ZFHX3: variants seen among roughly 807,000 people sequenced by gnomAD.
The protein encoded by ZFHX3 is zinc finger homeobox 3, also known as zinc finger homeobox protein 3.
A neutral mutation model predicts 279.1 loss-of-function variants in ZFHX3; 42 were observed. That is an observed-to-expected ratio of 0.15 (90% CI 0.12 to 0.19). The LOEUF (loss-of-function observed/expected upper bound fraction) is 0.19. ZFHX3 is among the 10% of genes least tolerant of loss of function. The pLI, the probability that ZFHX3 is intolerant of heterozygous loss-of-function variation, is 1.00. For missense variants in ZFHX3, 4,981 were observed against 4,754.0 expected (o/e 1.05, Z -1.40); for synonymous variants, 2,293 against 1,957.8 (o/e 1.17, Z -4.52).
chr16:72,993,834 CA>C (rs1032426437), intron 1 of ZFHX3, among the ~76,000 whole-genome samples: 54 of 152,260 alleles, frequency 3.5e-4, no homozygotes, highest in African/African-American at 1.3e-3. Flanking sequence ...TAGACGTCTT[CA>C]AACTTCATTT....
At chr16:73,319,112 TG>T (rs1305979267) in intron 3 of ZFHX3, among the ~76,000 whole-genome samples, 2 of 65,582 alleles carry the variant, frequency 3.0e-5, no homozygotes, top group Non-Finnish European at 6.7e-5. Flanking sequence ...AGGTGTGGAA[TG>T]GGGGGGGCAG....
In ZFHX3 at chr16:72,796,897, G is replaced by A. The variant is rs571249183; in HGVS notation, c.5785C>T (p.Pro1929Ser). The A allele has an allele frequency of 2.3e-4, 374 of 1,613,802 alleles. 7 individuals carry two copies. The South Asian group carries it at 4.0e-3, about 17-fold the overall frequency. Residue 1929 changes from proline (P) to serine (S), a missense_variant, in exon 9 of 10, where the codon CCT becomes TCT. Physicochemically the swap from Pro to Ser is moderately conservative, Grantham distance 74. Coordinates refer to ENST00000268489, the MANE Select transcript of ZFHX3 (RefSeq NM_006885.4). ...KELAPGGGSE[P>S]SMLPPRIASD... ...GCAATGCGTGGAGGGAGCATGGAAGGCTCAGAACCACCCCCTGGTGCCAAC... is the reference window on the plus strand; with the variant it reads ...GCAATGCGTGGAGGGAGCATGGAAGACTCAGAACCACCCCCTGGTGCCAAC...
chr16:73,266,221 T>C (rs142635085), intron 4 of ZFHX3, among the ~76,000 whole-genome samples: 22 of 152,346 alleles, frequency 1.4e-4, no homozygotes, highest in Non-Finnish European at 4.4e-5. Flanking sequence ...ACTGGGTTCT[T>C]TTCTCAATTC....
chr16:72,788,091 CTGCTGCTGCTGCACTTTT>C lies in ZFHX3; in HGVS notation c.10167_10184del (p.Lys3390_Gln3395del), dbSNP rs571110463. ...GGACTGGGGTTTGGCTTGCTTTGGG[CTGCTGCTGCTGCACTTTT>C]TGCTGCTGCTGCTGCTGTAGTTGCC... On this transcript the variant is annotated inframe_deletion, in exon 10 of 10. Transcript: ENST00000268489. The C allele has an allele frequency of 1.8e-4, 286 of 1,608,272 alleles. No homozygotes were observed. The highest frequency in any genetic ancestry group is 2.1e-4 in the Non-Finnish European group (249 of 1,177,194).
chr16:73,158,453 CT>C (rs1329451706), intron 5 of ZFHX3, among the ~76,000 whole-genome samples: 3 of 152,034 alleles, frequency 2.0e-5, no homozygotes, highest in African/African-American at 7.3e-5. Flanking sequence ...TTCCTTCCCC[CT>C]CCCTTCTCTT....
intron 4 of ZFHX3, among the ~76,000 whole-genome samples, chr16:72,832,433 G>A (rs1567538379): frequency 6.6e-6 from 1 of 152,078 alleles, no homozygotes; most frequent in Non-Finnish European, 1.5e-5. Flanking sequence ...AGGCAGCTGA[G>A]TTCCGATGAG....
At chr16:72,915,061 A>G (rs1325170778) in intron 3 of ZFHX3, among the ~76,000 whole-genome samples, 5 of 152,144 alleles carry the variant, frequency 3.3e-5, no homozygotes, top group Non-Finnish European at 7.4e-5. Flanking sequence ...TCAAAATTCA[A>G]AATTCCAGTA....
chr16:72,798,962 T>C (rs540593519), intron 8 of ZFHX3, among the ~76,000 whole-genome samples: 1 of 152,370 alleles, frequency 6.6e-6, no homozygotes, highest in East Asian at 1.9e-4. Context: ...AAAGTTTCAA[T>C]GCATAATAGA....
At chr16:73,273,493 A>G (rs1483968794) in intron 4 of ZFHX3, among the ~76,000 whole-genome samples, 1 of 152,222 alleles carries the variant, frequency 6.6e-6, no homozygotes, top group Non-Finnish European at 1.5e-5. Context: ...CAAAATTTAT[A>G]TATAAAACAC....
At chr16:73,355,196 A>G (rs1475168709) in intron 3 of ZFHX3, among the ~76,000 whole-genome samples, 1 of 152,174 alleles carries the variant, frequency 6.6e-6, no homozygotes, top group Admixed American at 6.5e-5. Context: ...ACAGAGGAAC[A>G]GAGCTGGGCT....
chr16:72,959,285 G>A lies in ZFHX3; in HGVS notation c.861C>T (p.Cys287=). The A allele has an allele frequency of 6.2e-7, 1 of 1,614,220 alleles. No individual in the cohort carries two copies. Among genetic ancestry groups the A allele is most frequent in the Non-Finnish European group, 8.5e-7 (1 of 1,180,036 alleles). ...AACGGACGTACCCAAAGGAGAGTTT[G>A]CACAAGAAACACATCAGGATGGGCT... The part of the protein sequence containing the change: ...KRKPILMCFL[C]KLSFGYVRSF... The change falls in exon 2 of 10, where the codon TGC becomes TGT. Residue 287 remains cysteine (C), a synonymous_variant. Coordinates refer to ENST00000268489, the MANE Select transcript of ZFHX3 (RefSeq NM_006885.4).
intron 2 of ZFHX3, among the ~76,000 whole-genome samples, chr16:73,629,820 A>G (rs577733014): frequency 6.6e-6 from 1 of 152,312 alleles, no homozygotes; most frequent in East Asian, 1.9e-4. Flanking sequence ...TGGGATAACT[A>G]AAAAGGCACA....
intron 4 of ZFHX3, among the ~76,000 whole-genome samples, chr16:73,279,330 G>T (rs2014399423): frequency 6.6e-6 from 1 of 151,850 alleles, no homozygotes; most frequent in Admixed American, 6.6e-5. Context: ...AAATTATTGG[G>T]TATTTTATCC....
chr16:73,490,734 G>C (rs1255970905), intron 2 of ZFHX3, among the ~76,000 whole-genome samples: 1 of 152,136 alleles, frequency 6.6e-6, no homozygotes, highest in East Asian at 1.9e-4. Context: ...CTACTCAGGA[G>C]GGTGAGGTGG....
At chr16:73,819,091 C>T (rs1416079597) in intron 1 of ZFHX3, among the ~76,000 whole-genome samples, 2 of 152,044 alleles carry the variant, frequency 1.3e-5, no homozygotes, top group African/African-American at 2.4e-5. Context: ...GTCAATGGTA[C>T]ACCGTGGAGC....
intron 4 of ZFHX3, among the ~76,000 whole-genome samples, chr16:72,841,187 G>A (rs369531370): frequency 2.0e-5 from 3 of 152,160 alleles, no homozygotes; most frequent in Admixed American, 2.0e-4. Context: ...ACATTTCAAG[G>A]TGCGTCTACA....
chr16:73,382,339 G>C (rs1351366322), intron 3 of ZFHX3, among the ~76,000 whole-genome samples: 3 of 152,182 alleles, frequency 2.0e-5, no homozygotes, highest in African/African-American at 4.8e-5. Flanking sequence ...GAAGATAACA[G>C]ATTTGAGAAG....
intron 3 of ZFHX3, among the ~76,000 whole-genome samples, chr16:73,417,401 T>TC (rs2017612500): frequency 6.8e-6 from 1 of 146,376 alleles, no homozygotes; most frequent in Non-Finnish European, 1.5e-5. Context: ...CTTTTCTTTT[T>TC]TTTTTTTTTT....
At chr16:73,305,276 G>A (rs1158225835) in intron 4 of ZFHX3, among the ~76,000 whole-genome samples, 1 of 152,104 alleles carries the variant, frequency 6.6e-6, no homozygotes, top group Non-Finnish European at 1.5e-5. Flanking sequence ...TCTCTTACTA[G>A]GTAATGGTGT....
Sources: allele counts gnomAD v4.1 joint callset (sites outside exome capture counted in the v4.1 genomes callset), GRCh38; gene constraint gnomAD v4.1.1; transcripts MANE v1.5; gene names NCBI Gene and HGNC (gene_info 2026-07-23, HGNC 2026-07-21).